Variants in C3orf33 observed in about 807,000 individuals in gnomAD.
C3orf33 encodes the protein AP-1 activity suppressor.
C3orf33 carries 23 observed loss-of-function variants against 28.7 expected under a neutral mutation model. The ratio of observed to expected loss-of-function variants is 0.80; its 90% CI spans 0.58 to 1.13. The LOEUF (loss-of-function observed/expected upper bound fraction) is 1.13, where lower values mean the gene tolerates loss of function less well. C3orf33 is among the 50% of genes most tolerant of loss of function. C3orf33 has a pLI of 0.00. For missense variants in C3orf33, 327 were observed against 353.4 expected, an observed-to-expected ratio of 0.93 and a Z score of 0.60; for synonymous variants, 119 against 120.5, an observed-to-expected ratio of 0.99 and a Z score of 0.08.
rs1176317323 is a variant in C3orf33, at chr3:155,793,809, C to CA, written c.174+8722dup. Among the ~76,000 whole-genome samples the CA allele has an allele frequency of 9.4e-3, 351 of 37,374 alleles. 10 individuals carry two copies. In the East Asian group the frequency reaches 0.1, roughly 11 times the overall value. The allele number at this position is 37,374 out of a possible 152,430, so 24.5% of individuals were successfully genotyped here. ...TGGGAGACAGAGTGAGACTCTGACT[C>CA]AAAAAAAAAAAAAAAAAACTAAAAA... On this transcript the variant is annotated intron_variant, in intron 2 of 4. Coordinates refer to ENST00000340171, the MANE Select transcript of C3orf33 (RefSeq NM_001308229.2).
At chr3:155,804,738 C>A (rs929268257) in intron 1 of C3orf33, among the ~76,000 whole-genome samples, 1 of 152,150 alleles carries the variant, frequency 6.6e-6, no homozygotes, top group Non-Finnish European at 1.5e-5. Flanking sequence ...TCTTCAGTAG[C>A]TTTTCTCACT....
intron 3 of C3orf33, among the ~76,000 whole-genome samples, chr3:155,774,666 C>CTTTT (rs62815064): frequency 4.2e-5 from 4 of 95,236 alleles, no homozygotes; most frequent in Non-Finnish European, 6.2e-5. Context: ...TATTGTTTTG[C>CTTTT]TTTTTTTTTT....
At chr3:155,773,209 T>C (rs1750643615) in intron 3 of C3orf33, among the ~76,000 whole-genome samples, 1 of 152,214 alleles carries the variant, frequency 6.6e-6, no homozygotes, top group South Asian at 2.1e-4. Context: ...ACATTCAAAA[T>C]GGTGTTTGGT....
At chr3:155,780,752 A>C (rs886212360) in intron 2 of C3orf33, among the ~76,000 whole-genome samples, 1 of 152,188 alleles carries the variant, frequency 6.6e-6, no homozygotes, top group Non-Finnish European at 1.5e-5. Context: ...AGAGGTGGCT[A>C]TGTGACAGAG....
At chr3:155,770,439 T>C (rs1226752715) in intron 3 of C3orf33, among the ~76,000 whole-genome samples, 1 of 152,184 alleles carries the variant, frequency 6.6e-6, no homozygotes, top group Non-Finnish European at 1.5e-5. Context: ...CCCATAGTCT[T>C]TGAGACCAAA....
intron 2 of C3orf33, among the ~76,000 whole-genome samples, chr3:155,797,886 T>A (rs1461390776): frequency 6.6e-6 from 1 of 151,612 alleles, no homozygotes; most frequent in Non-Finnish European, 1.5e-5. Context: ...GCCTGGCCAA[T>A]ATAGTGAAAC....
chr3:155,777,160 CA>C (rs1243981479), intron 2 of C3orf33, among the ~76,000 whole-genome samples: 1 of 151,724 alleles, frequency 6.6e-6, no homozygotes, highest in Non-Finnish European at 1.5e-5. Context: ...ACTAAAAATA[CA>C]AAATTAGTCG....
At chr3:155,799,761 C>T (rs1328417118) in intron 2 of C3orf33, among the ~76,000 whole-genome samples, 1 of 152,052 alleles carries the variant, frequency 6.6e-6, no homozygotes, top group Admixed American at 6.6e-5. Context: ...CTGTTGTTTC[C>T]AACACCATGG....
chr3:155,790,988 T>C (rs960312904), intron 2 of C3orf33, among the ~76,000 whole-genome samples: 4 of 152,144 alleles, frequency 2.6e-5, no homozygotes, highest in Non-Finnish European at 4.4e-5. Context: ...TCAATGAGGG[T>C]GGCCAAGTGA....
rs556958457 is a variant in C3orf33, at chr3:155,788,678, C to CA, written c.175-12831dup. 4.3e-3 allele frequency among the ~76,000 whole-genome samples: 539 copies of CA among 123,992 alleles called. 3 individuals are homozygous for CA. Among genetic ancestry groups the CA allele is most frequent in the South Asian group, 0.015 (57 of 3,862 alleles). The allele number at this position is 123,992 out of a possible 152,430, so 81.3% of individuals were successfully genotyped here. A position where few individuals can be genotyped will look rare whatever the true frequency, so the allele number is the denominator to read the frequency against. On this transcript the variant is annotated intron_variant, in intron 2 of 4. Transcript: ENST00000340171. ...AGTCTGGGCAACAGTGAGACTCCATCAAAAAAAAAAAAAAGAAAGAAAAAA... is the reference window on the plus strand; with the variant it reads ...AGTCTGGGCAACAGTGAGACTCCATCAAAAAAAAAAAAAAAGAAAGAAAAAA...
At chr3:155,782,289 TAG>T (rs1388549947) in intron 2 of C3orf33, among the ~76,000 whole-genome samples, 1 of 147,468 alleles carries the variant, frequency 6.8e-6, no homozygotes, top group Non-Finnish European at 1.5e-5. Context: ...ACATATGCAC[TAG>T]AGGAGTCCCA....
chr3:155,769,891 T>C (rs1392757939), intron 3 of C3orf33, among the ~76,000 whole-genome samples: 3 of 152,236 alleles, frequency 2.0e-5, no homozygotes, highest in Non-Finnish European at 4.4e-5. Flanking sequence ...TTTCCTCTGA[T>C]TGATCCCCAA....
intron 2 of C3orf33, among the ~76,000 whole-genome samples, chr3:155,788,395 C>A (rs543058004): frequency 3.3e-5 from 5 of 151,862 alleles, no homozygotes; most frequent in Admixed American, 1.3e-4. Flanking sequence ...TATGAAAAAA[C>A]CATATTCGGC....
chr3:155,772,169 C>A (rs1417965906), intron 3 of C3orf33, among the ~76,000 whole-genome samples: 2 of 152,108 alleles, frequency 1.3e-5, no homozygotes, highest in Non-Finnish European at 1.5e-5. Flanking sequence ...CGCACCACTG[C>A]ACTCCAGCCT....
chr3:155,785,745 A>G (rs1365320518), intron 2 of C3orf33, among the ~76,000 whole-genome samples: 2 of 152,190 alleles, frequency 1.3e-5, no homozygotes, highest in Non-Finnish European at 2.9e-5. Context: ...AGAAAGAAGA[A>G]AAAGAAAAAT....
At chr3:155,764,623 C>T (rs768047032) in intron 4 of C3orf33, among the ~76,000 whole-genome samples, 3 of 151,146 alleles carry the variant, frequency 2.0e-5, no homozygotes, top group Non-Finnish European at 4.4e-5. Flanking sequence ...GAGGCCGAGG[C>T]GGGCAGATCA....
At chr3:155,785,868 G>A (rs1018979699) in intron 2 of C3orf33, among the ~76,000 whole-genome samples, 1 of 151,908 alleles carries the variant, frequency 6.6e-6, no homozygotes, top group Non-Finnish European at 1.5e-5. Flanking sequence ...CCAAAACCCT[G>A]TCTACTAAAA....
intron 2 of C3orf33, among the ~76,000 whole-genome samples, chr3:155,793,280 G>C (rs1751369544): frequency 6.7e-6 from 1 of 150,040 alleles, no homozygotes; most frequent in Non-Finnish European, 1.5e-5. Context: ...AAACACGAAG[G>C]AGAAATACTC....
At chr3:155,780,111 G>A (rs112240432) in intron 2 of C3orf33, among the ~76,000 whole-genome samples, 3,639 of 152,316 alleles carry the variant, frequency 0.024, 142 homozygotes, top group African/African-American at 0.083. Flanking sequence ...AAAGGGGACA[G>A]AAAGGGATAG....
Sources: allele counts gnomAD v4.1 joint callset (sites outside exome capture counted in the v4.1 genomes callset), GRCh38; gene constraint gnomAD v4.1.1; transcripts MANE v1.5; gene names NCBI Gene and HGNC (gene_info 2026-07-23, HGNC 2026-07-21).